The following NCAN variants were observed in gnomAD, a reference collection of about 807,000 sequenced individuals.
The protein encoded by NCAN is neurocan core protein.
NCAN carries 47 observed loss-of-function variants against 121.8 expected under a neutral mutation model. The observed-to-expected ratio is 0.39, with a 90% confidence interval of 0.31 to 0.49. The LOEUF is 0.49. NCAN is among the 20% of genes least tolerant of loss of function. NCAN has a pLI of 0.92. For missense variants in NCAN, 1,517 were observed against 1,773.4 expected (o/e 0.86, Z 2.60); for synonymous variants, 633 against 702.0 (o/e 0.90, Z 1.55).
intron 13 of NCAN, among the ~76,000 whole-genome samples, chr19:19,247,878 G>A (rs2060930363): frequency 6.6e-6 from 1 of 152,154 alleles, no homozygotes; most frequent in Non-Finnish European, 1.5e-5. Context: ...CTGGGCAGAG[G>A]CAGGGACCTG....
intron 8 of NCAN, among the ~76,000 whole-genome samples, chr19:19,229,469 G>A (rs1035882128): frequency 1.3e-5 from 2 of 152,188 alleles, no homozygotes; most frequent in Admixed American, 6.5e-5. Context: ...GATTTGACTC[G>A]TGGGGGACCT....
intron 12 of NCAN, among the ~76,000 whole-genome samples, chr19:19,241,927 G>T (rs1227323772): frequency 6.6e-6 from 1 of 152,116 alleles, no homozygotes; most frequent in African/African-American, 2.4e-5. Flanking sequence ...GGGCACAGTG[G>T]CTCACGCCTA....
chr19:19,232,372 C>G (rs1005958137), intron 8 of NCAN, among the ~76,000 whole-genome samples: 7 of 152,358 alleles, frequency 4.6e-5, no homozygotes, highest in Admixed American at 1.3e-4. Context: ...CAGGTGTCAG[C>G]AGCGCGGGGC....
intron 3 of NCAN, among the ~76,000 whole-genome samples, chr19:19,219,829 A>T (rs1011684689): frequency 1.3e-5 from 2 of 148,406 alleles, no homozygotes; most frequent in Admixed American, 6.8e-5. Context: ...GTTTGAGACC[A>T]GTGTGGCCAA....
At position 19,219,097 on chromosome 19, in the gene NCAN, G is replaced by T; in HGVS notation, c.256G>T (p.Gly86Cys). The change falls in exon 3 of 15, where the codon GGC (glycine) becomes TGC (cysteine). Residue 86 changes from glycine to cysteine, a missense_variant. By Grantham distance (159) the Gly-to-Cys change is radical. Coordinates refer to ENST00000252575, the MANE Select transcript of NCAN (RefSeq NM_004386.3). ...GTGGACCAAGGTGCGGACTGCGTCG[G>T]GCCAGCGACAGGACTTGCCCATCCT... Reference protein sequence around the residue: ...IKWTKVRTASGQRQDLPILVA... With the variant: ...IKWTKVRTASCQRQDLPILVA... 4.3e-6 allele frequency: 7 copies of T among 1,612,658 alleles called. No homozygotes were observed. The highest frequency in any genetic ancestry group is 5.9e-6 in the Non-Finnish European group (7 of 1,179,146).
At position 19,251,289 on chromosome 19, in the gene NCAN, G is replaced by A. The variant is rs977477464; in HGVS notation, c.*1378G>A. 1 of 152,230 alleles carries A rather than the reference G, an allele frequency of 6.6e-6. No homozygotes were observed. Among genetic ancestry groups the A allele is most frequent in the African/African-American group, 2.4e-5 (1 of 41,450 alleles). 9.4% of individuals were successfully genotyped at this position (152,230 alleles called of 1,614,324 possible). Reference sequence around the variant, plus strand: ...GTAAAGAAAGAAATGTGTTAACTGAGCCTGAATCCCTTCTGGGAAGTAATA... The same window carrying A: ...GTAAAGAAAGAAATGTGTTAACTGAACCTGAATCCCTTCTGGGAAGTAATA... On this transcript the variant is annotated 3_prime_UTR_variant, in exon 15 of 15. Transcript: ENST00000252575.
chr19:19,213,505 T>TGGGGGGGGGGGGGGGG (rs11334445), intron 1 of NCAN, among the ~76,000 whole-genome samples: 1 of 49,550 alleles, frequency 2.0e-5, no homozygotes, highest in African/African-American at 6.7e-5. Context: ...GGGGTTTATG[T>TGGGGGGGGGGGGGGGG]GGGGGGGGGG....
At chr19:19,234,951 C>A (rs767542358) in intron 9 of NCAN, 32 bp from the exon 10 acceptor site, 53 of 1,462,258 alleles carry the variant, frequency 3.6e-5, no homozygotes, top group Non-Finnish European at 4.9e-5. Context: ...GGGAAGCTGA[C>A]CTCTAACTCA....
chr19:19,236,710 A>G (rs1467946207), intron 10 of NCAN, among the ~76,000 whole-genome samples: 1 of 148,598 alleles, frequency 6.7e-6, no homozygotes, highest in African/African-American at 2.5e-5. Context: ...AATTACAGAC[A>G]TGAGCCACTG....
At chr19:19,239,088 G>C (rs551111595) in intron 11 of NCAN, among the ~76,000 whole-genome samples, 1 of 151,588 alleles carries the variant, frequency 6.6e-6, no homozygotes, top group African/African-American at 2.4e-5. Flanking sequence ...ACTGGCTCGC[G>C]CCTTCTCACC....
intron 12 of NCAN, among the ~76,000 whole-genome samples, chr19:19,242,022 C>T (rs1009560730): frequency 3.9e-5 from 6 of 151,946 alleles, no homozygotes; most frequent in African/African-American, 1.5e-4. Flanking sequence ...TGGTGAAACC[C>T]CATCTCTACT....
chr19:19,214,057 C>T (rs1374088370), intron 1 of NCAN, among the ~76,000 whole-genome samples: 1 of 152,162 alleles, frequency 6.6e-6, no homozygotes, highest in Non-Finnish European at 1.5e-5. Context: ...CATGGCACAA[C>T]CGCCTTCACA....
In NCAN at chr19:19,225,923, A is replaced by G. The variant is rs2060834993; in HGVS notation, c.1073-563A>G. Among the ~76,000 whole-genome samples the G allele has an allele frequency of 6.6e-6, 1 of 152,010 alleles. No homozygotes were observed. The highest frequency in any genetic ancestry group is 1.5e-5 in the Non-Finnish European group (1 of 67,970). ...TACCTGAGCTTTGCCCATGAGCCAA[A>G]TTGTCTTTTTTTCTTTTTTCTTTTG... On this transcript the variant is annotated intron_variant, in intron 6 of 14. Coordinates refer to ENST00000252575, the MANE Select transcript of NCAN (RefSeq NM_004386.3). This position sits in a 1 kb window ranked among gnomAD's most constrained non-coding sequence, Gnocchi z 4.0.
At chr19:19,240,961 C>G (rs1038985405) in intron 12 of NCAN, among the ~76,000 whole-genome samples, 1 of 152,214 alleles carries the variant, frequency 6.6e-6, no homozygotes, top group African/African-American at 2.4e-5. Context: ...CCTGGTCCCC[C>G]AGCCATGGTC....
chr19:19,233,259 A>G (rs898953947), intron 8 of NCAN, among the ~76,000 whole-genome samples: 10 of 151,894 alleles, frequency 6.6e-5, no homozygotes, highest in African/African-American at 2.4e-4. Context: ...TAATTTTTCA[A>G]AAAATTTAAT....
chr19:19,240,653 A>T lies in NCAN; in HGVS notation c.3460A>T (p.Arg1154Ter). The T allele has an allele frequency of 6.2e-7, 1 of 1,614,084 alleles. No individual in the cohort carries two copies. ...WIGLNDRIVERDFQWTDNTGL... is the reference protein window; with the variant it reads ...WIGLNDRIVE ...CGGCCTGAACGACAGGATCGTGGAG[A>T]GAGATTTCCAGTGGACGGACAACAC... The change falls in exon 12 of 15, where the codon AGA becomes TGA. Residue 1154 changes from arginine (R) to a stop codon, truncating the protein, a stop_gained. Transcript: ENST00000252575. LOFTEE classifies it high-confidence loss of function.
intron 9 of NCAN, among the ~76,000 whole-genome samples, chr19:19,234,548 G>A (rs965916949): frequency 3.0e-4 from 46 of 152,282 alleles, no homozygotes; most frequent in African/African-American, 1.0e-3. Context: ...AGTGCCATAC[G>A]TGCCTCAAGC....
chr19:19,216,764 GC>G (rs1381129013), intron 1 of NCAN, among the ~76,000 whole-genome samples, 182 bp from the exon 2 acceptor site: 1 of 152,218 alleles, frequency 6.6e-6, no homozygotes, highest in Admixed American at 6.5e-5. Context: ...AGGTCAAGTG[GC>G]CCTGGGTTCG....
rs751602844 is a variant in NCAN, at chr19:19,251,567, A to G, written c.*1656A>G. 2 of 152,152 alleles carry G rather than the reference A, an allele frequency of 1.3e-5. No individual in the cohort carries two copies. Among genetic ancestry groups the G allele is most frequent in the Non-Finnish European group, 2.9e-5 (2 of 68,034 alleles). The allele number at this position is 152,152 out of a possible 1,614,324, so 9.4% of individuals were successfully genotyped here. On this transcript the variant is annotated 3_prime_UTR_variant, in exon 15 of 15. Coordinates refer to ENST00000252575, the MANE Select transcript of NCAN (RefSeq NM_004386.3). The stretch of plus-strand genomic sequence containing the variant: ...CTGGCTCTGCTTACACTTTCTCTCC[A>G]TCACCAAATCCTTACTCCAAATCCA...
Sources: gnomAD v4.1 joint callset for allele counts (sites outside exome capture counted in the v4.1 genomes callset) on GRCh38, gnomAD v4.1.1 for gene constraint, Gnocchi (gnomAD v3.1) non-coding constraint, MANE v1.5 for transcripts, NCBI Gene and HGNC (gene_info 2026-07-23, HGNC 2026-07-21) for gene names.